CENPI: variants seen among roughly 807,000 people sequenced by gnomAD.
The protein encoded by CENPI is centromere protein I, also known as FSH primary response 1.
In CENPI, 4 loss-of-function variants were observed where a neutral mutation model predicts 60.4. That is an observed-to-expected ratio of 0.07 (90% CI 0.03 to 0.15). The LOEUF is 0.15. Ranked by LOEUF, CENPI falls within the 10% of genes least tolerant of loss-of-function variation. The pLI is 1.00. For missense variants in CENPI, 444 were observed against 534.5 expected, an observed-to-expected ratio of 0.83 and a Z score of 1.67; for synonymous variants, 157 against 189.4, an observed-to-expected ratio of 0.83 and a Z score of 1.40.
chrX:101,104,429 A>G (rs1002361261), intron 4 of CENPI, among the ~76,000 whole-genome samples: 1 of 112,237 alleles, frequency 8.9e-6, no homozygotes, highest in Non-Finnish European at 1.9e-5. Context: ...GACTTGGAAG[A>G]TATTTTAGAC....
intron 15 of CENPI, among the ~76,000 whole-genome samples, chrX:101,136,015 G>A (rs780505315): frequency 5.3e-5 from 6 of 112,431 alleles, no homozygotes; most frequent in Admixed American, 3.8e-4. Flanking sequence ...GAGCCACTGT[G>A]CCCGACCTGT....
At chrX:101,162,473 A>AAAAATATATATAAATATATATATAT (rs1303045267) in intron 21 of CENPI, among the ~76,000 whole-genome samples, 1 of 68,129 alleles carries the variant, frequency 1.5e-5, no homozygotes. Flanking sequence ...AAAAAAAAAA[A>AAAAATATATATAAATATATATATAT]ATATATATAT....
At chrX:101,123,044 T>A (rs1319094130) in intron 8 of CENPI, among the ~76,000 whole-genome samples, 1 of 112,475 alleles carries the variant, frequency 8.9e-6, no homozygotes, top group Non-Finnish European at 1.9e-5. Flanking sequence ...CATCACTAAA[T>A]TATTCCATTG....
intron 6 of CENPI, among the ~76,000 whole-genome samples, chrX:101,115,321 C>G (rs1317133078): frequency 9.4e-6 from 1 of 106,183 alleles, no homozygotes; most frequent in South Asian, 4.3e-4. Context: ...GGGTCTCACT[C>G]TTGTGCAGGC....
intron 16 of CENPI, chrX:101,141,005 A>G (rs1476689505): frequency 4.0e-6 from 1 of 251,128 alleles, no homozygotes; most frequent in Non-Finnish European, 7.0e-6. Flanking sequence ...AAGAGTTAAT[A>G]TAACAAAACA....
At chrX:101,160,172 A>G (rs1448453765) in intron 20 of CENPI, among the ~76,000 whole-genome samples, 1 of 111,270 alleles carries the variant, frequency 9.0e-6, no homozygotes, top group East Asian at 2.8e-4. Context: ...CCAGAATCAG[A>G]CTTTGCAGGA....
rs749593881 is a variant in CENPI, at chrX:101,154,323, T to A, written c.2094+6162T>A. Among the ~76,000 whole-genome samples the A allele has an allele frequency of 2.7e-5, 3 of 111,584 alleles. No individual in the cohort carries two copies. In the Admixed American group the frequency reaches 2.9e-4, roughly 11 times the overall value. ...TGGCTCACACCTGTAATCCTAGCAC[T>A]TTGAGAGGCTGAGATGGGTGGATCA... On this transcript the variant is annotated intron_variant, in intron 20 of 21. Transcript: ENST00000682095.
the CENPI span, among the ~76,000 whole-genome samples, chrX:101,176,164 T>A: frequency 8.9e-6 from 1 of 112,108 alleles, no homozygotes; most frequent in African/African-American, 3.2e-5. Flanking sequence ...TGTGTGTATG[T>A]ATGTGCATTT....
At position 101,127,220 on chromosome X, in the gene CENPI, C is replaced by T; in HGVS notation, c.860C>T (p.Pro287Leu). The T allele has an allele frequency of 8.4e-7, 1 of 1,196,751 alleles. No individual in the cohort carries two copies. Among genetic ancestry groups the T allele is most frequent in the Middle Eastern group, 3.2e-4 (1 of 3,099 alleles). ...KQRNRGPSPEPLKLMLGPANV... is the reference protein window; with the variant it reads ...KQRNRGPSPELLKLMLGPANV... ...AGAAACCGGGGACCTTCTCCAGAAC[C>T]TCTGAAGTTGATGTTAGGTCCAGCT... is the stretch of plus-strand genomic sequence containing the variant. The change falls in exon 10 of 22, where the codon CCT becomes CTT. Residue 287 changes from proline to leucine, a missense_variant. Pro to Leu is a moderately conservative substitution (Grantham distance 98). Transcript: ENST00000682095.
chrX:101,128,559 G>A (rs1186050138), intron 11 of CENPI, among the ~76,000 whole-genome samples, 157 bp from the exon 12 acceptor site: 1 of 112,020 alleles, frequency 8.9e-6, no homozygotes, highest in African/African-American at 3.2e-5. Flanking sequence ...CAAACTCCTA[G>A]GCTCAAGTGA....
At chrX:101,153,344 G>A (rs1018327990) in intron 20 of CENPI, among the ~76,000 whole-genome samples, 3 of 107,687 alleles carry the variant, frequency 2.8e-5, no homozygotes, top group African/African-American at 1.0e-4. Context: ...AGGATGGAGG[G>A]CAGTGGCCAG....
chrX:101,143,444 G>A (rs1332554172), intron 16 of CENPI, among the ~76,000 whole-genome samples: 1 of 111,632 alleles, frequency 9.0e-6, no homozygotes, highest in Non-Finnish European at 1.9e-5. Context: ...AGCTAGATCT[G>A]TTTTTTGCTA....
chrX:101,149,762 C>A (rs1321852420), intron 20 of CENPI, among the ~76,000 whole-genome samples: 1 of 110,893 alleles, frequency 9.0e-6, no homozygotes, highest in Non-Finnish European at 1.9e-5. Context: ...CTGCCTCGGC[C>A]TCCCAAAGTG....
At chrX:101,115,389 C>T (rs893473686) in intron 6 of CENPI, among the ~76,000 whole-genome samples, 5 of 109,215 alleles carry the variant, frequency 4.6e-5, no homozygotes, top group African/African-American at 1.7e-4. Flanking sequence ...GCCTGGGTAA[C>T]GAGCGAGACT....
At chrX:101,159,377 C>T (rs1388591280) in intron 20 of CENPI, among the ~76,000 whole-genome samples, 2 of 109,273 alleles carry the variant, frequency 1.8e-5, no homozygotes, top group Admixed American at 9.8e-5. Flanking sequence ...TTAGCCAGGA[C>T]GGTCTTGATC....
chrX:101,119,302 A>G (rs2089653137), intron 6 of CENPI, among the ~76,000 whole-genome samples: 1 of 112,692 alleles, frequency 8.9e-6, no homozygotes, highest in Non-Finnish European at 1.9e-5. Flanking sequence ...TTTAGACTTT[A>G]AAGTTTAGAG....
intron 20 of CENPI, among the ~76,000 whole-genome samples, chrX:101,159,902 G>A (rs749669062): frequency 2.4e-4 from 27 of 112,225 alleles, no homozygotes; most frequent in Non-Finnish European, 1.1e-4. Flanking sequence ...TTTGACCTGC[G>A]TAAATTTGAG....
the CENPI span, among the ~76,000 whole-genome samples, chrX:101,173,305 G>C: frequency 1.0e-5 from 1 of 95,782 alleles, no homozygotes; most frequent in African/African-American, 3.9e-5. Flanking sequence ...GAGCCACCAT[G>C]CCTGGCCTCT....
At chrX:101,111,357 C>CA (rs1329088323) in intron 6 of CENPI, among the ~76,000 whole-genome samples, 1 of 110,135 alleles carries the variant, frequency 9.1e-6, no homozygotes, top group African/African-American at 3.3e-5. Context: ...TCCAAGAGGT[C>CA]AAAATTATTT....
Sources: allele counts gnomAD v4.1 joint callset (sites outside exome capture counted in the v4.1 genomes callset), GRCh38; gene constraint gnomAD v4.1.1; transcripts MANE v1.5; gene names NCBI Gene and HGNC (gene_info 2026-07-23, HGNC 2026-07-21).